SLC23A2: variants seen among roughly 807,000 people sequenced by gnomAD.
The protein encoded by SLC23A2 is Na(+)/L-ascorbic acid transporter 2.
SLC23A2 carries 36 observed loss-of-function variants against 73.3 expected under a neutral mutation model. The ratio of observed to expected loss-of-function variants is 0.49; its 90% confidence interval spans 0.38 to 0.65. SLC23A2 has a LOEUF of 0.65. Ranked by LOEUF, SLC23A2 falls within the 30% of genes least tolerant of loss-of-function variation. The probability of loss-of-function intolerance (pLI) is 0.00; values close to 1 mark genes in which losing one functional copy is unlikely to be tolerated. For synonymous variants in SLC23A2, 343 were observed against 327.3 expected (o/e 1.05, Z -0.52); for missense variants, 507 against 841.6 (o/e 0.60, Z 4.92).
intron 3 of SLC23A2, among the ~76,000 whole-genome samples, chr20:4,925,890 G>C (rs951460953): frequency 1.3e-5 from 2 of 152,144 alleles, no homozygotes; most frequent in African/African-American, 4.8e-5. Flanking sequence ...CCTACAACAC[G>C]ACTGGGCAAG....
chr20:4,950,029 C>T (rs2087175590), intron 2 of SLC23A2, among the ~76,000 whole-genome samples: 1 of 152,172 alleles, frequency 6.6e-6, no homozygotes. Flanking sequence ...ATAACCGCAC[C>T]ACCTCATTAG....
intron 2 of SLC23A2, among the ~76,000 whole-genome samples, chr20:4,941,257 C>A (rs187407877): frequency 1.3e-5 from 2 of 151,978 alleles, no homozygotes; most frequent in African/African-American, 2.4e-5. Flanking sequence ...GGCATGGTGG[C>A]TCATGCACGC....
intron 2 of SLC23A2, among the ~76,000 whole-genome samples, chr20:4,962,387 G>C (rs1324493704): frequency 6.6e-6 from 1 of 152,146 alleles, no homozygotes; most frequent in Non-Finnish European, 1.5e-5. Flanking sequence ...CAGGTAAAAA[G>C]GACTGGGGAG....
chr20:5,006,547 T>TTTTATTTATTTA (rs78731557), intron 1 of SLC23A2, among the ~76,000 whole-genome samples: 1,972 of 147,610 alleles, frequency 0.013, 41 homozygotes, highest in African/African-American at 0.042. Context: ...GTAAAAGCCA[T>TTTTATTTATTTA]TTTATTTATT....
At chr20:4,880,870 T>A (rs1260657306) in intron 9 of SLC23A2, among the ~76,000 whole-genome samples, 1 of 151,996 alleles carries the variant, frequency 6.6e-6, no homozygotes, top group East Asian at 1.9e-4. Flanking sequence ...TTCTAGCTTG[T>A]GTCTAACTGA....
At chr20:4,953,859 A>G (rs1006050151) in intron 2 of SLC23A2, among the ~76,000 whole-genome samples, 4 of 152,330 alleles carry the variant, frequency 2.6e-5, no homozygotes, top group Admixed American at 6.5e-5. Context: ...ACTGCACACC[A>G]GCCTCAGCGA....
At chr20:4,987,740 C>T (rs947048799) in intron 1 of SLC23A2, among the ~76,000 whole-genome samples, 47 of 151,266 alleles carry the variant, frequency 3.1e-4, no homozygotes, top group African/African-American at 1.1e-3. Flanking sequence ...CCCAGCTACT[C>T]GGGAGGCTGA....
intron 2 of SLC23A2, among the ~76,000 whole-genome samples, chr20:4,967,889 C>T (rs1291829470): frequency 6.6e-6 from 1 of 152,184 alleles, no homozygotes; most frequent in African/African-American, 2.4e-5. Flanking sequence ...AAGCCAGGCA[C>T]TCAACAATCA....
At position 4,960,136 on chromosome 20, in the gene SLC23A2, T is replaced by A. The variant is rs560294911; in HGVS notation, c.-155+10657A>T. On this transcript the variant is annotated intron_variant, in intron 2 of 16. Coordinates refer to ENST00000338244, the MANE Select transcript of SLC23A2 (RefSeq NM_005116.6). ...TAATAGCCAAAACCTGGAAACAACA[T>A]TCACCTTTAACTAGTAAACATCAAC... Among the ~76,000 whole-genome samples, 34 of 152,288 alleles carry A rather than the reference T, an allele frequency of 2.2e-4. 1 individual carries two copies. The highest frequency in any genetic ancestry group is 3.7e-4 in the Non-Finnish European group (25 of 68,004).
intron 10 of SLC23A2, 119 bp downstream of exon 10, chr20:4,874,457 T>C (rs1600089072): frequency 1.1e-6 from 1 of 885,984 alleles, no homozygotes; most frequent in East Asian, 2.5e-5. Flanking sequence ...AGTAGCCTGG[T>C]CTCACTGCAC....
At chr20:4,897,495 C>T (rs1931582602) in intron 6 of SLC23A2, among the ~76,000 whole-genome samples, 1 of 152,192 alleles carries the variant, frequency 6.6e-6, no homozygotes, top group Non-Finnish European at 1.5e-5. Context: ...GGCGCACAGA[C>T]ACGCACCCTC....
chr20:4,959,593 G>A (rs1296837508), intron 2 of SLC23A2, among the ~76,000 whole-genome samples: 1 of 152,134 alleles, frequency 6.6e-6, no homozygotes, highest in East Asian at 1.9e-4. Flanking sequence ...AACCTCCCGG[G>A]CTCAAGTGAT....
intron 11 of SLC23A2, 42 bp from the exon 12 acceptor site, chr20:4,870,095 G>A (rs1447004524): frequency 1.3e-6 from 2 of 1,528,310 alleles, no homozygotes; most frequent in South Asian, 1.3e-5. Context: ...AGAGAGGCAG[G>A]CGAAAGTGAC....
chr20:4,893,753 C>T (rs1931416892), intron 6 of SLC23A2, among the ~76,000 whole-genome samples: 1 of 152,198 alleles, frequency 6.6e-6, no homozygotes, highest in Admixed American at 6.5e-5. Flanking sequence ...TGTGTGCCTA[C>T]AGCAGGCCTG....
In SLC23A2 at chr20:4,896,950, G is replaced by A. The variant is rs148496115; in HGVS notation, c.482+2605C>T. 7.9e-3 allele frequency among the ~76,000 whole-genome samples: 1,208 copies of A among 152,258 alleles called. 21 individuals carry two copies. Among genetic ancestry groups the A allele is most frequent in the South Asian group, 0.024 (117 of 4,822 alleles). On this transcript the variant is annotated intron_variant, in intron 6 of 16. Coordinates refer to ENST00000338244, the MANE Select transcript of SLC23A2 (RefSeq NM_005116.6). ...TGCTGGGATGGAAGCTGCTCCCTCAGCCCTCCTGGGCAGAGCCCTTGGAGC... is the reference window on the plus strand; with the variant it reads ...TGCTGGGATGGAAGCTGCTCCCTCAACCCTCCTGGGCAGAGCCCTTGGAGC...
At chr20:4,932,230 C>A (rs1487099653) in intron 3 of SLC23A2, among the ~76,000 whole-genome samples, 2 of 152,190 alleles carry the variant, frequency 1.3e-5, no homozygotes, top group African/African-American at 4.8e-5. Context: ...ATGTTAACAG[C>A]AATGCATACT....
intron 1 of SLC23A2, among the ~76,000 whole-genome samples, chr20:4,977,523 C>T (rs1010533855): frequency 2.6e-5 from 4 of 151,648 alleles, no homozygotes; most frequent in Admixed American, 2.6e-4. Context: ...CCTCCCATCC[C>T]CGACTCTACT....
At chr20:4,945,165 T>A (rs763599059) in intron 2 of SLC23A2, among the ~76,000 whole-genome samples, 20 of 152,192 alleles carry the variant, frequency 1.3e-4, no homozygotes, top group Non-Finnish European at 7.3e-5. Flanking sequence ...CAGCAACGAA[T>A]GAACTTGTAA....
At chr20:4,894,962 C>T (rs543418130) in intron 6 of SLC23A2, among the ~76,000 whole-genome samples, 1 of 152,346 alleles carries the variant, frequency 6.6e-6, no homozygotes, top group Admixed American at 6.5e-5. Context: ...CACTTCTGCA[C>T]AATAGAGGGC....
Sources: gnomAD v4.1 joint callset for allele counts (sites outside exome capture counted in the v4.1 genomes callset) on GRCh38, gnomAD v4.1.1 for gene constraint, MANE v1.5 for transcripts, NCBI Gene and HGNC (gene_info 2026-07-23, HGNC 2026-07-21) for gene names.